Variants in MSH4 observed in about 807,000 individuals in gnomAD.
The protein encoded by MSH4 is mutS protein homolog 4.
MSH4 carries 106 observed loss-of-function variants against 113.7 expected under a neutral mutation model. The ratio of observed to expected loss-of-function variants is 0.93; its 90% CI spans 0.80 to 1.10. The LOEUF (loss-of-function observed/expected upper bound fraction) is 1.10. Among genes scored for constraint, MSH4 ranks in the 50% least tolerant of loss-of-function variants. The pLI, the probability that MSH4 is intolerant of heterozygous loss-of-function variation, is 0.00. For missense variants in MSH4, 1,061 were observed against 1,093.7 expected (o/e 0.97, Z 0.42); for synonymous variants, 368 against 380.2 (o/e 0.97, Z 0.37).
At chr1:75,902,631 T>C (rs115090165) in intron 19 of MSH4, among the ~76,000 whole-genome samples, 3,174 of 102,494 alleles carry the variant, frequency 0.031, 50 homozygotes, top group African/African-American at 0.038. Flanking sequence ...CTATTGTGAA[T>C]AGTGCTGTGA....
rs1404210723 is a variant in MSH4 at position 75,910,477 on chromosome 1, C to T, written c.2620-2219C>T. 2.0e-4 allele frequency among the ~76,000 whole-genome samples: 31 copies of T among 151,578 alleles called. 2 individuals are homozygous for T. The highest frequency in any genetic ancestry group is 2.0e-3 in the Admixed American group (31 of 15,176). The stretch of plus-strand genomic sequence containing the variant: ...TGAAACAAGGTCTCACTGTGTTGCC[C>T]AGCCTGGTTTTTAACAAATTCCTGG... On this transcript the variant is annotated intron_variant, in intron 19 of 19. Transcript: ENST00000263187.
intron 19 of MSH4, among the ~76,000 whole-genome samples, chr1:75,900,693 C>T (rs1010574212): frequency 2.6e-5 from 4 of 152,062 alleles, no homozygotes; most frequent in Admixed American, 6.6e-5. Context: ...TTTTCTGTGT[C>T]CCTCACTCTT....
intron 6 of MSH4, among the ~76,000 whole-genome samples, chr1:75,822,001 G>A (rs1299223931): frequency 1.3e-5 from 2 of 152,106 alleles, no homozygotes; most frequent in African/African-American, 2.4e-5. Context: ...ATCATTGCTG[G>A]CCAGGCGCGG....
At chr1:75,825,859 G>A (rs571575750) in intron 7 of MSH4, among the ~76,000 whole-genome samples, 182 of 152,164 alleles carry the variant, frequency 1.2e-3, no homozygotes, top group Admixed American at 2.8e-3. Context: ...TGCTGGATTC[G>A]GTTTGCCAGT....
intron 14 of MSH4, among the ~76,000 whole-genome samples, chr1:75,883,254 A>G (rs1387256077): frequency 6.6e-6 from 1 of 151,116 alleles, no homozygotes; most frequent in Non-Finnish European, 1.5e-5. Context: ...CAATCAAGCA[A>G]TCTGCCCTCC....
At chr1:75,828,605 T>C (rs551635749) in intron 7 of MSH4, among the ~76,000 whole-genome samples, 7 of 152,232 alleles carry the variant, frequency 4.6e-5, no homozygotes, top group Non-Finnish European at 5.9e-5. Flanking sequence ...GAGCTAAACA[T>C]TGGGTACACA....
chr1:75,847,717 G>T (rs958054744), intron 7 of MSH4, among the ~76,000 whole-genome samples: 1 of 152,164 alleles, frequency 6.6e-6, no homozygotes, highest in Non-Finnish European at 1.5e-5. Flanking sequence ...AGAGCAAAAT[G>T]AGGGGCATCC....
chr1:75,835,127 T>C (rs1404346160), intron 7 of MSH4, among the ~76,000 whole-genome samples: 1 of 152,146 alleles, frequency 6.6e-6, no homozygotes, highest in Non-Finnish European at 1.5e-5. Flanking sequence ...TACCCTAGCT[T>C]GTGTTCTGGT....
At chr1:75,899,762 G>T (rs1652469298) in intron 19 of MSH4, 56 bp downstream of exon 19, 1 of 874,754 alleles carries the variant, frequency 1.1e-6, no homozygotes, top group Non-Finnish European at 1.7e-6. Flanking sequence ...TTTTAGTGTA[G>T]ATTTTTATTA....
intron 2 of MSH4, 51 bp downstream of exon 2, chr1:75,803,964 T>C: frequency 8.2e-7 from 1 of 1,225,598 alleles, no homozygotes; most frequent in South Asian, 2.3e-5. Flanking sequence ...CTTAAAAGTT[T>C]TATAAATTAT....
intron 16 of MSH4, 77 bp from the exon 17 acceptor site, chr1:75,890,619 G>T (rs1652230646): frequency 5.7e-6 from 4 of 701,180 alleles, no homozygotes; most frequent in Non-Finnish European, 6.8e-6. Flanking sequence ...AAAGAGACTG[G>T]GTTTCTCCTC....
At chr1:75,884,811 G>T (rs2100575557) in intron 15 of MSH4, among the ~76,000 whole-genome samples, 2 of 151,866 alleles carry the variant, frequency 1.3e-5, no homozygotes, top group South Asian at 4.2e-4. Flanking sequence ...ATGAGTTAAT[G>T]AAGAGTAAAT....
At chr1:75,890,004 A>G (rs1557526825) in intron 16 of MSH4, among the ~76,000 whole-genome samples, 2 of 152,064 alleles carry the variant, frequency 1.3e-5, no homozygotes, top group South Asian at 4.1e-4. Flanking sequence ...AGATCGTAGC[A>G]ATATATTAGG....
chr1:75,883,536 A>G, intron 14 of MSH4, 85 bp from the exon 15 acceptor site: 1 of 1,059,504 alleles, frequency 9.4e-7, no homozygotes, highest in East Asian at 2.6e-5. Flanking sequence ...GAAAATCACT[A>G]AGATATAGAC....
intron 1 of MSH4, among the ~76,000 whole-genome samples, chr1:75,801,516 T>C (rs1246477701): frequency 1.3e-5 from 2 of 148,310 alleles, no homozygotes; most frequent in Admixed American, 6.8e-5. Flanking sequence ...TGCAGTGAGC[T>C]GAGATTGCGC....
intron 9 of MSH4, among the ~76,000 whole-genome samples, chr1:75,870,049 C>T (rs1023510641): frequency 3.9e-5 from 6 of 152,188 alleles, no homozygotes; most frequent in African/African-American, 1.4e-4. Context: ...TGGAGCTGCT[C>T]AAGGCTATGG....
chr1:75,833,992 C>A (rs1181356523), intron 7 of MSH4, among the ~76,000 whole-genome samples: 1 of 152,158 alleles, frequency 6.6e-6, no homozygotes, highest in Non-Finnish European at 1.5e-5. Flanking sequence ...TCAGAGTGAA[C>A]AGGCAACCTA....
At chr1:75,893,420 C>A (rs1652303437) in intron 17 of MSH4, among the ~76,000 whole-genome samples, 1 of 152,078 alleles carries the variant, frequency 6.6e-6, no homozygotes, top group Admixed American at 6.6e-5. Context: ...TGGGAGACTA[C>A]CAGTTGGAAT....
chr1:75,818,756 TTTTTGTTTG>T (rs1163400068), intron 6 of MSH4, among the ~76,000 whole-genome samples: 1 of 152,002 alleles, frequency 6.6e-6, no homozygotes, highest in East Asian at 1.9e-4. Context: ...TATTCCGTTT[TTTTTGTTTG>T]TTTGTTTTTT....
Sources: gnomAD v4.1 joint callset for allele counts (sites outside exome capture counted in the v4.1 genomes callset) on GRCh38, gnomAD v4.1.1 for gene constraint, MANE v1.5 for transcripts, NCBI Gene and HGNC (gene_info 2026-07-23, HGNC 2026-07-21) for gene names.